Variants in PEF1 observed in about 807,000 individuals in gnomAD.
PEF1 encodes the protein penta-EF-hand domain containing 1.
Under a neutral mutation model 32.0 loss-of-function variants are expected in PEF1, and 17 were observed. The ratio of observed to expected loss-of-function variants is 0.53; its 90% confidence interval spans 0.36 to 0.80. The LOEUF (loss-of-function observed/expected upper bound fraction) is 0.80, where lower values mean the gene tolerates loss of function less well. PEF1 is among the 30% of genes least tolerant of loss of function. The probability of loss-of-function intolerance (pLI) is 0.00; values close to 1 mark genes in which losing one functional copy is unlikely to be tolerated. For synonymous variants in PEF1, 130 were observed against 139.8 expected (o/e 0.93, Z 0.50); for missense variants, 362 against 369.1 (o/e 0.98, Z 0.16).
Position 31,630,819 on chromosome 1 carries a change from G to C in PEF1, c.649C>G (p.Leu217Val). Residue 217 changes from leucine (L) to valine (V), a missense_variant, in exon 5 of 5, where the codon CTG becomes GTG. By Grantham distance (32) the Leu-to-Val change is conservative. Transcript: ENST00000373703. ...AGAAGCTGGGTGAACTGGGGGCTCA[G>C]GTTGTAGCCCATTTGGGACAGAGCT... ...QQALSQMGYNLSPQFTQLLVS... is the reference protein window; with the variant it reads ...QQALSQMGYNVSPQFTQLLVS... 6.2e-7 allele frequency: 1 copy of C among 1,611,272 alleles called. No homozygotes were observed. Among genetic ancestry groups the C allele is most frequent in the African/African-American group, 1.3e-5 (1 of 75,072 alleles).
chr1:31,631,116 G>GACA (rs1383844070), intron 4 of PEF1, among the ~76,000 whole-genome samples: 1 of 152,144 alleles, frequency 6.6e-6, no homozygotes, highest in Non-Finnish European at 1.5e-5. Flanking sequence ...TTGCAGAGAC[G>GACA]ACAACGGACT....
chr1:31,643,286 T>C (rs1325817194), intron 1 of PEF1, among the ~76,000 whole-genome samples: 1 of 152,210 alleles, frequency 6.6e-6, no homozygotes, highest in Non-Finnish European at 1.5e-5. Context: ...AAATTAAGGA[T>C]TCTGAAATAG....
At chr1:31,642,024 G>C (rs1395388565) in intron 1 of PEF1, among the ~76,000 whole-genome samples, 1 of 152,234 alleles carries the variant, frequency 6.6e-6, no homozygotes, top group Non-Finnish European at 1.5e-5. Flanking sequence ...CTGAGGTTAG[G>C]AGTTTGAGAC....
rs146809023 is a variant in PEF1, at chr1:31,632,575, A to C, written c.545T>G (p.Phe182Cys). The change falls in exon 4 of 5, where the codon TTC becomes TGC. Residue 182 changes from phenylalanine (F) to cysteine (C), a missense_variant. Coordinates refer to ENST00000373703, the MANE Select transcript of PEF1 (RefSeq NM_012392.4). ...GAAGAGGTTCTTCCACTGCTGGATG[A>C]ATTTCCACAGGGCTGAGAAGCCGTA... ...DVYGFSALWK[F>C]IQQWKNLFQQ... 1.5e-5 allele frequency: 25 copies of C among 1,614,182 alleles called. No homozygotes were observed. The African/African-American group carries it at 2.4e-4, about 15-fold the overall frequency.
At position 31,635,300 on chromosome 1, in the gene PEF1, C is replaced by T. The variant is rs761145394; in HGVS notation, c.247G>A (p.Gly83Ser). The T allele has an allele frequency of 5.6e-6, 9 of 1,613,988 alleles. No homozygotes were observed. Among genetic ancestry groups the T allele is most frequent in the Non-Finnish European group, 7.6e-6 (9 of 1,180,020 alleles). The change falls in exon 2 of 5, where the codon GGT becomes AGT. Residue 83 changes from glycine to serine, a missense_variant. By Grantham distance (56) the Gly-to-Ser change is moderately conservative. Coordinates refer to ENST00000373703, the MANE Select transcript of PEF1 (RefSeq NM_012392.4). The part of the protein sequence containing the change: ...PSGTPGGPYG[G>S]AAPGGPYGQP... The stretch of plus-strand genomic sequence containing the variant: ...CCATAGGGGCCCCCGGGAGCTGCAC[C>T]GCCATATGGTCCTCCTGGAGTTCCA...
intron 1 of PEF1, among the ~76,000 whole-genome samples, chr1:31,640,302 G>C (rs181254310): frequency 4.2e-4 from 64 of 152,310 alleles, no homozygotes; most frequent in Admixed American, 9.8e-4. Context: ...AAGGGGCAGA[G>C]AGTTTAATAA....
chr1:31,632,736 G>C, intron 3 of PEF1, 98 bp from the exon 4 acceptor site: 1 of 1,414,922 alleles, frequency 7.1e-7, no homozygotes, highest in Non-Finnish European at 9.5e-7. Flanking sequence ...CTCCAGGCTG[G>C]AGTAGGCGAC....
At chr1:31,640,007 T>A (rs1485549654) in intron 1 of PEF1, among the ~76,000 whole-genome samples, 1 of 152,172 alleles carries the variant, frequency 6.6e-6, no homozygotes, top group African/African-American at 2.4e-5. Flanking sequence ...CAGCCCTTTT[T>A]AGAGTTTTTC....
Position 31,630,410 on chromosome 1 carries a change from T to C in PEF1, c.*203A>G. On this transcript the variant is annotated 3_prime_UTR_variant, in exon 5 of 5. Transcript: ENST00000373703. ...TCTATCCTCTCCTCCATCAGGCCCCTATCTGTGTGGCCTCAGCCCCGGTCC... is the reference window on the plus strand; with the variant it reads ...TCTATCCTCTCCTCCATCAGGCCCCCATCTGTGTGGCCTCAGCCCCGGTCC... 1.7e-6 allele frequency: 1 copy of C among 601,036 alleles called. No homozygotes were observed. Among genetic ancestry groups the C allele is most frequent in the Admixed American group, 2.9e-5 (1 of 33,984 alleles). 37.2% of individuals were successfully genotyped at this position (601,036 alleles called of 1,614,324 possible). A position where few individuals can be genotyped will look rare whatever the true frequency, so the allele number is the denominator to read the frequency against.
At chr1:31,630,920 C>G in intron 4 of PEF1, 78 bp from the exon 5 acceptor site, 1 of 1,224,508 alleles carries the variant, frequency 8.2e-7, no homozygotes, top group Non-Finnish European at 1.2e-6. Context: ...TACTGGATCA[C>G]AACAGTTCAA....
At chr1:31,634,045 C>T (rs1376868178) in intron 2 of PEF1, among the ~76,000 whole-genome samples, 3 of 152,128 alleles carry the variant, frequency 2.0e-5, no homozygotes, top group South Asian at 2.1e-4. Flanking sequence ...TGGCCACAAT[C>T]GGGGTCCCTT....
chr1:31,632,717 A>G (rs1219909978), intron 3 of PEF1, 79 bp from the exon 4 acceptor site: 4 of 1,511,532 alleles, frequency 2.6e-6, no homozygotes, highest in Non-Finnish European at 2.7e-6. Flanking sequence ...CCATTGAGGC[A>G]GCCCTTCTCT....
chr1:31,644,686 G>C (rs972913399), intron 1 of PEF1, 155 bp downstream of exon 1: 6 of 1,486,248 alleles, frequency 4.0e-6, no homozygotes, highest in Non-Finnish European at 4.5e-6. Flanking sequence ...GGGCGCGACC[G>C]ACGGTCCCTT....
rs1307845734 is a variant in PEF1, at chr1:31,635,434, C to T, written c.113G>A (p.Ser38Asn). ...GPPNSGGQYG[S>N]GLPPGGGYGG... is the part of the protein sequence containing the mutation. ...ATAACCACCACCAGGGGGTAGCCCA[C>T]TACCATACTGCCCTCCACTATTGGG... The change falls in exon 2 of 5, where the codon AGT becomes AAT. Residue 38 changes from serine (S) to asparagine (N), a missense_variant. Coordinates refer to ENST00000373703, the MANE Select transcript of PEF1 (RefSeq NM_012392.4). 2 of 1,610,764 alleles carry T rather than the reference C, an allele frequency of 1.2e-6. No homozygotes were observed. Among genetic ancestry groups the T allele is most frequent in the African/African-American group, 2.7e-5 (2 of 74,852 alleles).
intron 4 of PEF1, 45 bp downstream of exon 4, chr1:31,632,450 A>G: frequency 6.2e-7 from 1 of 1,614,022 alleles, no homozygotes; most frequent in Non-Finnish European, 8.5e-7. Context: ...TAAAGAGAAG[A>G]GTCTAGCTCT....
At chr1:31,639,499 T>C (rs2148623658) in intron 1 of PEF1, among the ~76,000 whole-genome samples, 1 of 152,350 alleles carries the variant, frequency 6.6e-6, no homozygotes, top group African/African-American at 2.4e-5. Context: ...AAGAGTTTTG[T>C]TGGGGCTTTA....
intron 1 of PEF1, chr1:31,644,330 T>C: frequency 1.0e-6 from 1 of 976,216 alleles, no homozygotes; most frequent in Non-Finnish European, 1.2e-6. Flanking sequence ...TTCACTTTTC[T>C]ACACGCGAAA....
At chr1:31,642,328 G>A (rs1640415603) in intron 1 of PEF1, among the ~76,000 whole-genome samples, 1 of 152,162 alleles carries the variant, frequency 6.6e-6, no homozygotes, top group South Asian at 2.1e-4. Context: ...GACAAAGCAG[G>A]GATTTGAAAT....
intron 1 of PEF1, among the ~76,000 whole-genome samples, chr1:31,638,767 G>C (rs1640320629): frequency 6.6e-6 from 1 of 152,122 alleles, no homozygotes; most frequent in South Asian, 2.1e-4. Flanking sequence ...CCTCCTAACA[G>C]AAAAAAGGAA....
Sources: gnomAD v4.1 joint callset for allele counts (sites outside exome capture counted in the v4.1 genomes callset) on GRCh38, gnomAD v4.1.1 for gene constraint, MANE v1.5 for transcripts, NCBI Gene and HGNC (gene_info 2026-07-23, HGNC 2026-07-21) for gene names.